Variants in PIEZO2 observed in about 807,000 individuals in gnomAD.
The protein encoded by PIEZO2 is piezo-type mechanosensitive ion channel component 2.
Under a neutral mutation model 337.3 loss-of-function variants are expected in PIEZO2, and 172 were observed. The ratio of observed to expected loss-of-function variants is 0.51; its 90% CI spans 0.45 to 0.58. PIEZO2 has a LOEUF of 0.58. Among genes scored for constraint, PIEZO2 ranks in the 20% least tolerant of loss-of-function variants. PIEZO2 has a pLI of 0.00. For missense variants in PIEZO2, 3,028 were observed against 3,391.3 expected (o/e 0.89, Z 2.66); for synonymous variants, 1,251 against 1,228.5 (o/e 1.02, Z -0.38).
At chr18:11,130,978 T>C (rs1011554829) in intron 1 of PIEZO2, among the ~76,000 whole-genome samples, 1 of 152,186 alleles carries the variant, frequency 6.6e-6, no homozygotes, top group Non-Finnish European at 1.5e-5. Context: ...GTGTTTGAGG[T>C]GTCAGTGGCA....
intron 7 of PIEZO2, among the ~76,000 whole-genome samples, chr18:10,852,638 T>C (rs1199844113): frequency 6.6e-6 from 1 of 152,246 alleles, no homozygotes; most frequent in African/African-American, 2.4e-5. Context: ...CTTGAAAGGA[T>C]GCAAACCTGT....
chr18:10,807,217 T>C lies in PIEZO2; in HGVS notation c.975A>G (p.Ile325Met). ...GGTACCACGACAGGTCCGGGTTCAC[T>C]ATGATCTTCCAAGTACTTGAACAGT... ...QTDCSSTWKIIVNPDLSWYHH... is the reference protein window; with the variant it reads ...QTDCSSTWKIMVNPDLSWYHH... Residue 325 changes from isoleucine (I) to methionine (M), a missense_variant, in exon 8 of 56, where the codon ATA becomes ATG. Transcript: ENST00000674853. 6.5e-7 allele frequency: 1 copy of C among 1,537,330 alleles called. No individual in the cohort carries two copies. Among genetic ancestry groups the C allele is most frequent in the Non-Finnish European group, 8.7e-7 (1 of 1,146,922 alleles).
At chr18:10,951,169 C>T (rs1256767114) in intron 3 of PIEZO2, among the ~76,000 whole-genome samples, 1 of 152,206 alleles carries the variant, frequency 6.6e-6, no homozygotes, top group Non-Finnish European at 1.5e-5. Context: ...TTACCCACTG[C>T]TGTCAGTAAC....
At chr18:10,925,680 C>T (rs1369853728) in intron 3 of PIEZO2, among the ~76,000 whole-genome samples, 2 of 152,250 alleles carry the variant, frequency 1.3e-5, no homozygotes, top group East Asian at 1.9e-4. Context: ...CCCGTGTTCA[C>T]GCCATTCTCC....
chr18:10,790,705 CTTT>C (rs34016331), intron 14 of PIEZO2, among the ~76,000 whole-genome samples: 8 of 127,868 alleles, frequency 6.3e-5, no homozygotes, highest in Admixed American at 8.1e-5. Context: ...TCAAATGGCA[CTTT>C]TTTTTTTTTT....
rs113489695 is a variant in PIEZO2 at position 11,068,416 on chromosome 18, G to T, written c.65-2194C>A. Among the ~76,000 whole-genome samples, 338 of 152,092 alleles carry T rather than the reference G, an allele frequency of 2.2e-3. 2 individuals carry two copies. Among genetic ancestry groups the T allele is most frequent in the African/African-American group, 7.4e-3 (305 of 41,470 alleles). ...CAAATACACGGAAATTAAACAACAC[G>T]CTCCTAAACAGTCAATGAGTCAAAG... On this transcript the variant is annotated intron_variant, in intron 1 of 55. Coordinates refer to ENST00000674853, the MANE Select transcript of PIEZO2 (RefSeq NM_001378183.1).
chr18:11,127,731 ATATG>A lies in PIEZO2; in HGVS notation c.64+20790_64+20793del, dbSNP rs1599001414. ...GTCATGTATATATATACACACATATATATGTATGTGTATATATATGACATATATA... is the reference window on the plus strand; with the variant it reads ...GTCATGTATATATATACACACATATATATGTGTATATATATGACATATATA... On this transcript the variant is annotated intron_variant, in intron 1 of 55. Transcript: ENST00000674853. This position sits in a 1 kb window ranked among gnomAD's most constrained non-coding sequence, Gnocchi z 4.5. Among the ~76,000 whole-genome samples the A allele has an allele frequency of 1.3e-5, 2 of 151,468 alleles. No homozygotes were observed. The highest frequency in any genetic ancestry group is 3.5e-3 in the Middle Eastern group (1 of 288).
rs1238993390 is a variant in PIEZO2, at chr18:10,746,148, T to C, written c.4425-1917A>G. Among the ~76,000 whole-genome samples the C allele has an allele frequency of 6.6e-6, 1 of 152,206 alleles. No homozygotes were observed. Among genetic ancestry groups the C allele is most frequent in the Non-Finnish European group, 1.5e-5 (1 of 68,036 alleles). On this transcript the variant is annotated intron_variant, in intron 30 of 55. Coordinates refer to ENST00000674853, the MANE Select transcript of PIEZO2 (RefSeq NM_001378183.1). This position sits in a 1 kb window ranked among gnomAD's most constrained non-coding sequence, Gnocchi z 4.2. Reference sequence around the variant, plus strand: ...GTCTCTCTGCCTACAGCGCTGCCTATACCCATCTATTCTCCATACCACAAA... The same window carrying C: ...GTCTCTCTGCCTACAGCGCTGCCTACACCCATCTATTCTCCATACCACAAA...
At chr18:11,055,741 A>G (rs912086932) in intron 2 of PIEZO2, among the ~76,000 whole-genome samples, 8 of 152,198 alleles carry the variant, frequency 5.3e-5, no homozygotes, top group African/African-American at 1.9e-4. Flanking sequence ...CTTGACCAAA[A>G]CAAGTGACAC....
rs2034323314 is a variant in PIEZO2, at chr18:10,682,725, C to T, written c.7498-433G>A. Among the ~76,000 whole-genome samples, 1 of 151,800 alleles carries T rather than the reference C, an allele frequency of 6.6e-6. No individual in the cohort carries two copies. Among genetic ancestry groups the T allele is most frequent in the Admixed American group, 6.6e-5 (1 of 15,222 alleles). ...GCCTTTCAGTTGACCCTTCCCTGCCCTTGGAGGGTGAAAAAACATGATTTT... is the reference window on the plus strand; with the variant it reads ...GCCTTTCAGTTGACCCTTCCCTGCCTTTGGAGGGTGAAAAAACATGATTTT... On this transcript the variant is annotated intron_variant, in intron 49 of 55. Coordinates refer to ENST00000674853, the MANE Select transcript of PIEZO2 (RefSeq NM_001378183.1). The surrounding 1 kb of genome is among the most constrained non-coding windows in gnomAD (Gnocchi z 5.6).
At chr18:11,076,974 A>G (rs1356162923) in intron 1 of PIEZO2, among the ~76,000 whole-genome samples, 1 of 152,232 alleles carries the variant, frequency 6.6e-6, no homozygotes, top group African/African-American at 2.4e-5. Context: ...GGCCATGTTT[A>G]TCTTCCATAA....
At position 10,895,399 on chromosome 18, in the gene PIEZO2, T is replaced by C. The variant is rs62085168; in HGVS notation, c.329+15787A>G. 0.012 allele frequency among the ~76,000 whole-genome samples: 1,762 copies of C among 151,978 alleles called. 28 individuals carry two copies. Among genetic ancestry groups the C allele is most frequent in the Middle Eastern group, 0.071 (21 of 294 alleles). On this transcript the variant is annotated intron_variant, in intron 4 of 55. Coordinates refer to ENST00000674853, the MANE Select transcript of PIEZO2 (RefSeq NM_001378183.1). The surrounding 1 kb of genome is among the most constrained non-coding windows in gnomAD (Gnocchi z 4.8). ...TGGCAGAGGTTGCAGTGAGCCGAGA[T>C]TGCACCACAGCACTCCAGCCTGGGC...
intron 3 of PIEZO2, among the ~76,000 whole-genome samples, chr18:10,967,444 C>G (rs1205721549): frequency 1.3e-5 from 2 of 152,118 alleles, no homozygotes; most frequent in Admixed American, 6.5e-5. Flanking sequence ...ATAATGACTT[C>G]TTTTCCTCTA....
chr18:10,827,779 C>A (rs11873927), intron 7 of PIEZO2, among the ~76,000 whole-genome samples: 2 of 152,104 alleles, frequency 1.3e-5, no homozygotes, highest in Non-Finnish European at 2.9e-5. Context: ...CCACATATTC[C>A]TCTCTTCTCT....
chr18:10,800,628 G>A (rs2039778490), intron 10 of PIEZO2, among the ~76,000 whole-genome samples, 153 bp from the exon 11 acceptor site: 1 of 152,220 alleles, frequency 6.6e-6, no homozygotes. Context: ...ATTTTAGTAA[G>A]GGGAATCTTG....
At position 11,136,929 on chromosome 18, in the gene PIEZO2, C is replaced by T. The variant is rs77145536; in HGVS notation, c.64+11596G>A. ...GTTTATATCATCCTGTGTTCTTATACGATTGTTTAGCTTCAATTAATAACT... is the reference window on the plus strand; with the variant it reads ...GTTTATATCATCCTGTGTTCTTATATGATTGTTTAGCTTCAATTAATAACT... On this transcript the variant is annotated intron_variant, in intron 1 of 55. Transcript: ENST00000674853. 3.9e-3 allele frequency among the ~76,000 whole-genome samples: 593 copies of T among 152,260 alleles called. 3 individuals are homozygous for T. The highest frequency in any genetic ancestry group is 0.013 in the African/African-American group (546 of 41,538).
chr18:11,086,002 T>G (rs2038897350), intron 1 of PIEZO2, among the ~76,000 whole-genome samples: 1 of 152,024 alleles, frequency 6.6e-6, no homozygotes, highest in Admixed American at 6.5e-5. Context: ...CAGCATCGAG[T>G]ACAATATCCT....
rs1376064160 is a variant in PIEZO2 at position 11,135,215 on chromosome 18, A to G, written c.64+13310T>C. On this transcript the variant is annotated intron_variant, in intron 1 of 55. Coordinates refer to ENST00000674853, the MANE Select transcript of PIEZO2 (RefSeq NM_001378183.1). ...GAAACCTAGAAAGCAGTAATGTCCA[A>G]AGCGATAACGAGATATGGACCAACA... is the stretch of plus-strand genomic sequence containing the variant. Among the ~76,000 whole-genome samples the G allele has an allele frequency of 3.3e-5, 5 of 152,292 alleles. No homozygotes were observed. The East Asian group carries it at 9.7e-4, about 29-fold the overall frequency.
chr18:10,919,525 C>T (rs1023663326), intron 3 of PIEZO2, among the ~76,000 whole-genome samples: 2 of 152,024 alleles, frequency 1.3e-5, no homozygotes, highest in African/African-American at 4.8e-5. Context: ...TTGGGTTGGC[C>T]AGTCAGGCTG....
Sources: allele counts gnomAD v4.1 joint callset (sites outside exome capture counted in the v4.1 genomes callset), GRCh38; gene constraint gnomAD v4.1.1; non-coding constraint Gnocchi (gnomAD v3.1); transcripts MANE v1.5; gene names NCBI Gene and HGNC (gene_info 2026-07-23, HGNC 2026-07-21).